The following GLS2 variants were observed in gnomAD, a reference collection of about 807,000 sequenced individuals.
GLS2 encodes the protein glutaminase liver isoform, mitochondrial.
A neutral mutation model predicts 79.0 loss-of-function variants in GLS2; 52 were observed. The observed-to-expected ratio is 0.66, with a 90% CI of 0.53 to 0.83. GLS2 has a LOEUF of 0.83. Among genes scored for constraint, GLS2 ranks in the 40% least tolerant of loss-of-function variants. The pLI is 0.00. For missense variants in GLS2, 561 were observed against 764.8 expected (o/e 0.73, Z 3.14); for synonymous variants, 238 against 280.8 (o/e 0.85, Z 1.52).
At chr12:56,478,435 G>A in intron 4 of GLS2, 173 bp from the exon 5 acceptor site, 1 of 633,644 alleles carries the variant, frequency 1.6e-6, no homozygotes, top group Non-Finnish European at 2.8e-6. Context: ...AGTCCTAGAA[G>A]GCCATATCTT....
At position 56,474,641 on chromosome 12, in the gene GLS2, G is replaced by A. The variant is rs150956694; in HGVS notation, c.1127C>T (p.Thr376Ile). 1 of 1,614,060 alleles carries A rather than the reference G, an allele frequency of 6.2e-7. No homozygotes were observed. The highest frequency in any genetic ancestry group is 1.3e-5 in the African/African-American group (1 of 74,950). ...TTCAGCACTCAGCACACTCTCGCCTGTGATGGGGCAGATCCCACCGTTGGC... is the reference window on the plus strand; with the variant it reads ...TTCAGCACTCAGCACACTCTCGCCTATGATGGGGCAGATCCCACCGTTGGC... ...TLANGGICPI[T>I]GESVLSAEAV... The change falls in exon 12 of 18, where the codon ACA (threonine) becomes ATA (isoleucine). Residue 376 changes from threonine (T) to isoleucine (I), a missense_variant. Around this residue, in one of 4 missense-constraint regions of GLS2, gnomAD observed 221 missense variants for 275.6 expected, o/e 0.80. Coordinates refer to ENST00000311966, the MANE Select transcript of GLS2 (RefSeq NM_013267.4).
At chr12:56,478,425 A>C in intron 4 of GLS2, 163 bp from the exon 5 acceptor site, 1 of 662,382 alleles carries the variant, frequency 1.5e-6, no homozygotes, top group Middle Eastern at 3.4e-4. Flanking sequence ...CCGAGCCTTA[A>C]GTCCTAGAAG....
intron 6 of GLS2, 26 bp from the exon 7 acceptor site, chr12:56,477,744 T>C (rs1382323454): frequency 1.1e-5 from 18 of 1,589,620 alleles, no homozygotes; most frequent in Non-Finnish European, 1.5e-5. Flanking sequence ...CCACCAAGAG[T>C]CTTAGCCACT....
In GLS2 at chr12:56,475,988, A is replaced by G. The variant is rs1490322895; in HGVS notation, c.838-11T>C. The G allele has an allele frequency of 1.2e-6, 2 of 1,612,072 alleles. No individual in the cohort carries two copies. The highest frequency in any genetic ancestry group is 1.1e-5 in the South Asian group (1 of 91,056). ...TTTGTTACAGTCCATCTGCAGAGAA[A>G]GAGAGAGATGTCAGCATTCTAAGTG... On this transcript the variant is annotated splice_polypyrimidine_tract_variant and intron_variant, in intron 7 of 17. Transcript: ENST00000311966.
rs909791952 is a variant in GLS2, at chr12:56,479,655, T to C, written c.404+125A>G. ...ATGATGAGTATTCATGTATAACTTA[T>C]GTAATAAGTAATAAAATAAAATGAG... On this transcript the variant is annotated intron_variant, in intron 3 of 17. Transcript: ENST00000311966. The C allele has an allele frequency of 2.3e-5, 26 of 1,144,024 alleles. No homozygotes were observed. Among genetic ancestry groups the C allele is most frequent in the African/African-American group, 1.7e-4 (11 of 63,732 alleles). The allele number at this position is 1,144,024 out of a possible 1,614,324, so 70.9% of individuals were successfully genotyped here.
chr12:56,484,437 TACTC>T (rs930278394), intron 1 of GLS2, among the ~76,000 whole-genome samples: 21 of 152,174 alleles, frequency 1.4e-4, no homozygotes, highest in African/African-American at 4.8e-4. Context: ...TAAAAAATAA[TACTC>T]AAACAGCTTG....
intron 10 of GLS2, 67 bp from the exon 11 acceptor site, chr12:56,474,963 A>G: frequency 6.2e-7 from 1 of 1,613,676 alleles, no homozygotes; most frequent in Non-Finnish European, 8.5e-7. Flanking sequence ...TCAGGGTCTC[A>G]GCTGAAGCCC....
chr12:56,472,098 C>T (rs775925385), intron 16 of GLS2, 21 bp downstream of exon 16: 1 of 1,611,650 alleles, frequency 6.2e-7, no homozygotes, highest in East Asian at 2.2e-5. Flanking sequence ...CCTCCTCCTC[C>T]CCTCCTTAAC....
At chr12:56,486,865 A>C (rs1421085275) in intron 1 of GLS2, among the ~76,000 whole-genome samples, 6 of 152,242 alleles carry the variant, frequency 3.9e-5, no homozygotes, top group African/African-American at 1.4e-4. Flanking sequence ...GTCTCAAAAA[A>C]GAAAGAAATA....
intron 1 of GLS2, 108 bp from the exon 2 acceptor site, chr12:56,480,495 T>A: frequency 1.3e-6 from 1 of 796,996 alleles, no homozygotes; most frequent in Non-Finnish European, 2.2e-6. Context: ...ATTCTATGCC[T>A]CCTCCTTAAG....
At chr12:56,477,759 A>G in intron 6 of GLS2, 41 bp from the exon 7 acceptor site, 1 of 1,591,256 alleles carries the variant, frequency 6.3e-7, no homozygotes, top group Non-Finnish European at 8.6e-7. Context: ...GCCACTGAAC[A>G]AAGCCTCCCT....
intron 1 of GLS2, among the ~76,000 whole-genome samples, chr12:56,481,296 C>G (rs1223942183): frequency 6.7e-6 from 1 of 149,776 alleles, no homozygotes; most frequent in Non-Finnish European, 1.5e-5. Context: ...ACCTCCGCCT[C>G]CTGGGTTCAA....
chr12:56,472,308 A>G (rs1345622016), intron 15 of GLS2, 113 bp from the exon 16 acceptor site: 6 of 924,190 alleles, frequency 6.5e-6, no homozygotes, highest in Non-Finnish European at 1.0e-5. Flanking sequence ...AACAGCCTAT[A>G]GCCAGATTTG....
At chr12:56,485,989 C>T (rs1215928493) in intron 1 of GLS2, among the ~76,000 whole-genome samples, 1 of 120,970 alleles carries the variant, frequency 8.3e-6, no homozygotes, top group East Asian at 2.4e-4. Flanking sequence ...GCACTCCAGC[C>T]TGGGCGGCAA....
At chr12:56,477,459 G>T in intron 7 of GLS2, 1 of 531,706 alleles carries the variant, frequency 1.9e-6, no homozygotes, top group Non-Finnish European at 3.4e-6. Flanking sequence ...ACTGAGTGGG[G>T]ATGACGGAGG....
chr12:56,474,230 C>T (rs138932560), intron 12 of GLS2: 88 of 344,740 alleles, frequency 2.6e-4, no homozygotes, highest in African/African-American at 1.7e-3. Context: ...GCTGGGATTA[C>T]AGGTGCACAC....
In GLS2 at chr12:56,478,505, T is replaced by C. The variant is rs1870021891; in HGVS notation, c.535-243A>G. 7 of 499,510 alleles carry C rather than the reference T, an allele frequency of 1.4e-5. No homozygotes were observed. The South Asian group carries it at 1.6e-4, about 12-fold the overall frequency. The allele number at this position is 499,510 out of a possible 1,614,324, so 30.9% of individuals were successfully genotyped here. A position where few individuals can be genotyped will look rare whatever the true frequency, so the allele number is the denominator to read the frequency against. ...GCCAATGGAAGTTAAAAAAGGAGAA[T>C]TCTGAGGCAACCTTCCCCTTTTGGT... On this transcript the variant is annotated intron_variant, in intron 4 of 17. Coordinates refer to ENST00000311966, the MANE Select transcript of GLS2 (RefSeq NM_013267.4).
rs562514584 is a variant in GLS2, at chr12:56,478,391, C to T, written c.535-129G>A. 39 of 909,900 alleles carry T rather than the reference C, an allele frequency of 4.3e-5. 1 individual carries two copies. The South Asian group carries it at 6.1e-4, about 14-fold the overall frequency. 56.4% of individuals were successfully genotyped at this position (909,900 alleles called of 1,614,324 possible). A position where few individuals can be genotyped will look rare whatever the true frequency, so the allele number is the denominator to read the frequency against. On this transcript the variant is annotated intron_variant, in intron 4 of 17. Transcript: ENST00000311966. ...CTTCTATAGGGCAGAGGGGTTCCCT[C>T]CTGCCTGTTGCTCCCAGAAATGCCC...
At chr12:56,485,961 A>C (rs918028696) in intron 1 of GLS2, among the ~76,000 whole-genome samples, 9 of 136,326 alleles carry the variant, frequency 6.6e-5, no homozygotes, top group African/African-American at 2.4e-4. Context: ...GGTTGCAGTG[A>C]GCCGAGATTG....
Sources: gnomAD v4.1 joint callset for allele counts (sites outside exome capture counted in the v4.1 genomes callset) on GRCh38, gnomAD v4.1.1 for gene constraint, gnomAD v4.1.1 regional missense constraint, MANE v1.5 for transcripts, NCBI Gene and HGNC (gene_info 2026-07-23, HGNC 2026-07-21) for gene names.